The following MAPT variants were observed in gnomAD, a reference collection of about 807,000 sequenced individuals.
The protein encoded by MAPT is microtubule associated protein tau, also known as microtubule-associated protein tau.
MAPT carries 34 observed loss-of-function variants against 67.9 expected under a neutral mutation model. The observed-to-expected ratio is 0.50, with a 90% CI of 0.38 to 0.67. MAPT has a LOEUF of 0.67. Ranked by LOEUF, MAPT falls within the 30% of genes least tolerant of loss-of-function variation. The probability of loss-of-function intolerance (pLI) is 0.00; values close to 1 mark genes in which losing one functional copy is unlikely to be tolerated. For missense variants in MAPT, 881 were observed against 1,115.2 expected (o/e 0.79, Z 2.99); for synonymous variants, 456 against 464.5 (o/e 0.98, Z 0.23).
At chr17:45,941,671 C>CTT (rs1330316327) in intron 1 of MAPT, among the ~76,000 whole-genome samples, 9 of 110,008 alleles carry the variant, frequency 8.2e-5, no homozygotes, top group African/African-American at 1.9e-4. Context: ...TCCCCCCTTC[C>CTT]CCCCTTCCCT....
At chr17:45,954,797 G>T (rs1483692574) in intron 1 of MAPT, among the ~76,000 whole-genome samples, 1 of 151,926 alleles carries the variant, frequency 6.6e-6, no homozygotes, top group Non-Finnish European at 1.5e-5. Flanking sequence ...TGGCTAACAC[G>T]GTGAAACCCC....
intron 1 of MAPT, among the ~76,000 whole-genome samples, chr17:45,899,025 A>G (rs183589484): frequency 2.0e-4 from 31 of 152,270 alleles, no homozygotes; most frequent in Admixed American, 1.7e-3. Context: ...CACTAGTGAC[A>G]TGGAGCTGGC....
At chr17:46,015,387 C>T (rs528744314) in intron 11 of MAPT, among the ~76,000 whole-genome samples, 8 of 149,992 alleles carry the variant, frequency 5.3e-5, no homozygotes, top group Admixed American at 1.3e-4. Context: ...CAGCTGGGCA[C>T]GGTGGCTCAC....
intron 12 of MAPT, among the ~76,000 whole-genome samples, chr17:46,021,277 A>C (rs1032498455): frequency 6.6e-6 from 1 of 152,186 alleles, no homozygotes; most frequent in Non-Finnish European, 1.5e-5. Flanking sequence ...CTGGGTCGCT[A>C]TCCAAAGTGA....
chr17:45,903,162 A>T (rs2063728588), intron 1 of MAPT, among the ~76,000 whole-genome samples: 1 of 152,182 alleles, frequency 6.6e-6, no homozygotes, highest in Non-Finnish European at 1.5e-5. Context: ...GCTGGGAAGG[A>T]CAAATTCATG....
rs747553430 is a variant in MAPT, at chr17:46,014,716, T to A, written c.2173+392T>A. On this transcript the variant is annotated intron_variant, in intron 11 of 12. Transcript: ENST00000262410. ...AGTGAAACCCCGTCTCTACTAAAAA[T>A]ACAAAAAATTAGCCGGGCGTGGTGG... 9.2e-5 allele frequency among the ~76,000 whole-genome samples: 14 copies of A among 151,822 alleles called. 1 individual carries two copies. The highest frequency in any genetic ancestry group is 1.8e-4 in the Non-Finnish European group (12 of 67,962).
chr17:45,998,078 C>A (rs2074652514), intron 9 of MAPT, among the ~76,000 whole-genome samples: 1 of 152,134 alleles, frequency 6.6e-6, no homozygotes, highest in African/African-American at 2.4e-5. Context: ...CCTCGGGGAG[C>A]TAGGGGGCTT....
At chr17:45,994,075 T>C (rs2074283359) in intron 8 of MAPT, 1 of 1,216,282 alleles carries the variant, frequency 8.2e-7, no homozygotes, top group Non-Finnish European at 1.2e-6. Flanking sequence ...TTTTCTGCAA[T>C]GCAGGGTTCA....
intron 4 of MAPT, among the ~76,000 whole-genome samples, chr17:45,982,278 T>A (rs1313915709): frequency 7.8e-6 from 1 of 128,276 alleles, no homozygotes; most frequent in Non-Finnish European, 1.6e-5. Flanking sequence ...GCTGAGATCG[T>A]GCCACTGTAC....
intron 2 of MAPT, among the ~76,000 whole-genome samples, chr17:45,970,169 C>T (rs1321178663): frequency 1.3e-5 from 2 of 152,204 alleles, no homozygotes; most frequent in African/African-American, 2.4e-5. Flanking sequence ...TACATTCATA[C>T]ATGCATCTAA....
chr17:45,910,601 G>C (rs1366653057), intron 1 of MAPT: 1 of 149,922 alleles, frequency 6.7e-6, no homozygotes, highest in Non-Finnish European at 1.5e-5. Context: ...CATGGGCAGA[G>C]ACCTGGAATT....
rs758074229 is a variant in MAPT, at chr17:46,024,062, G to A, written c.2393G>A (p.Arg798Gln). The part of the protein sequence containing the change: ...SPVVSGDTSP[R>Q]HLSNVSSTGS... ...GTGGTGTCTGGGGACACGTCTCCAC[G>A]GCATCTCAGCAATGTCTCCTCCACC... Residue 798 changes from arginine (R) to glutamine (Q), a missense_variant, in exon 13 of 13, where the codon CGG becomes CAG. By Grantham distance (43) the Arg-to-Gln change is conservative. Transcript: ENST00000262410. 8 of 1,614,124 alleles carry A rather than the reference G, an allele frequency of 5.0e-6. No individual in the cohort carries two copies. Among genetic ancestry groups the A allele is most frequent in the East Asian group, 2.2e-5 (1 of 44,876 alleles).
At chr17:46,018,529 T>C in intron 11 of MAPT, 89 bp from the exon 12 acceptor site, 2 of 995,280 alleles carry the variant, frequency 2.0e-6, no homozygotes, top group Non-Finnish European at 3.3e-6. Flanking sequence ...CACTTTGCCC[T>C]GTAGACTGCA....
At chr17:45,978,029 CA>C (rs2072554174) in intron 3 of MAPT, 1 of 321,342 alleles carries the variant, frequency 3.1e-6, no homozygotes, top group South Asian at 3.5e-5. Context: ...ACAGCCTCCA[CA>C]ACCATGGCTC....
Position 46,010,334 on chromosome 17 carries a change from G to T in MAPT, c.2023G>T (p.Asp675Tyr). The T allele has an allele frequency of 6.3e-7, 1 of 1,579,080 alleles. No individual in the cohort carries two copies. The highest frequency in any genetic ancestry group is 8.6e-7 in the Non-Finnish European group (1 of 1,161,508). ...GKVQIINKKL[D>Y]LSNVQSKCGS... ...GGTGCAGATAATTAATAAGAAGCTG[G>T]ATCTTAGCAACGTCCAGTCCAAGTG... The change falls in exon 10 of 13, where the codon GAT (aspartate) becomes TAT (tyrosine). Residue 675 changes from aspartate to tyrosine, a missense_variant. This residue lies in a region of MAPT where 34 missense variants were observed against 51.2 expected (regional missense o/e 0.66). Transcript: ENST00000262410. The surrounding 1 kb of genome is among the most constrained non-coding windows in gnomAD (Gnocchi z 4.7).
chr17:46,001,196 G>A (rs988348416), intron 9 of MAPT, among the ~76,000 whole-genome samples: 5 of 152,042 alleles, frequency 3.3e-5, no homozygotes, highest in Admixed American at 6.6e-5. Flanking sequence ...ACCACTGAAC[G>A]CCAGCCTGGG....
Position 45,915,373 on chromosome 17 carries a change from GGT to G in MAPT, c.-18+20693_-18+20694del, listed in dbSNP as rs1007314416. ...TGTATGTGTGACGTGAGGTGTGTGTGGTGTGTGAGTTGTGTATGGTGTGTGCA... is the reference window on the plus strand; with the variant it reads ...TGTATGTGTGACGTGAGGTGTGTGTGGTGTGAGTTGTGTATGGTGTGTGCA... On this transcript the variant is annotated intron_variant, in intron 1 of 12. Coordinates refer to ENST00000262410, the MANE Select transcript of MAPT (RefSeq NM_001377265.1). The surrounding 1 kb of genome is among the most constrained non-coding windows in gnomAD (Gnocchi z 4.4). Among the ~76,000 whole-genome samples, 2 of 151,450 alleles carry G rather than the reference GGT, an allele frequency of 1.3e-5. No individual in the cohort carries two copies. Among genetic ancestry groups the G allele is most frequent in the East Asian group, 1.9e-4 (1 of 5,164 alleles).
In MAPT at chr17:45,982,955, G is replaced by A. The variant is rs1170021911; in HGVS notation, c.376G>A (p.Gly126Arg). 6 of 1,425,182 alleles carry A rather than the reference G, an allele frequency of 4.2e-6. No homozygotes were observed. The South Asian group carries it at 4.6e-5, about 11-fold the overall frequency. 88.3% of individuals were successfully genotyped at this position (1,425,182 alleles called of 1,614,324 possible). ...CGCCCACGTCCAGCCTGGACCCTGC[G>A]GAGAGGCCTCTGGGGTCTCTGGGCC... Reference protein sequence around the residue: ...ISAHVQPGPCGEASGVSGPCL... With the variant: ...ISAHVQPGPCREASGVSGPCL... Residue 126 changes from glycine (G) to arginine (R), a missense_variant, in exon 5 of 13, where the codon GGA becomes AGA. Gly to Arg is a moderately radical substitution (Grantham distance 125). Around this residue, in one of 6 missense-constraint regions of MAPT, gnomAD observed 687 missense variants for 766.1 expected, o/e 0.90. Transcript: ENST00000262410.
chr17:45,920,375 C>G (rs960396622), intron 1 of MAPT, among the ~76,000 whole-genome samples: 7 of 152,204 alleles, frequency 4.6e-5, no homozygotes, highest in Admixed American at 4.6e-4. Context: ...TTTGCAGATA[C>G]TGTCTCTGTT....
Sources: allele counts gnomAD v4.1 joint callset (sites outside exome capture counted in the v4.1 genomes callset), GRCh38; gene constraint gnomAD v4.1.1; regional missense constraint gnomAD v4.1.1; non-coding constraint Gnocchi (gnomAD v3.1); transcripts MANE v1.5; gene names NCBI Gene and HGNC (gene_info 2026-07-23, HGNC 2026-07-21).